Variants in ITSN1 observed in about 807,000 individuals in gnomAD.
ITSN1 encodes intersectin-1.
ITSN1 carries 58 observed loss-of-function variants against 239.8 expected under a neutral mutation model. The observed-to-expected ratio is 0.24, with a 90% CI of 0.20 to 0.30. ITSN1 has a LOEUF of 0.30. ITSN1 is among the 10% of genes least tolerant of loss of function. The probability of loss-of-function intolerance (pLI) is 1.00; values close to 1 mark genes in which losing one functional copy is unlikely to be tolerated. For synonymous variants in ITSN1, 780 were observed against 770.8 expected, an observed-to-expected ratio of 1.01 and a Z score of -0.20; for missense variants, 1,558 against 2,103.3, an observed-to-expected ratio of 0.74 and a Z score of 5.07.
At chr21:33,693,789 T>G (rs1308623972) in intron 1 of ITSN1, among the ~76,000 whole-genome samples, 1 of 152,240 alleles carries the variant, frequency 6.6e-6, no homozygotes, top group African/African-American at 2.4e-5. Flanking sequence ...CTTTTTTCTC[T>G]GGGCTTTCAC....
chr21:33,850,458 A>G (rs2075124441), intron 29 of ITSN1, among the ~76,000 whole-genome samples: 1 of 151,986 alleles, frequency 6.6e-6, no homozygotes, highest in Non-Finnish European at 1.5e-5. Flanking sequence ...AGGATTTGCA[A>G]CTCCGAGGTC....
intron 29 of ITSN1, among the ~76,000 whole-genome samples, chr21:33,844,206 A>G (rs998576487): frequency 3.3e-5 from 5 of 152,210 alleles, no homozygotes; most frequent in African/African-American, 9.6e-5. Flanking sequence ...CCTTCGCTGC[A>G]CTCCTGCAAT....
At chr21:33,863,592 C>T (rs1487584376) in intron 31 of ITSN1, among the ~76,000 whole-genome samples, 2 of 152,238 alleles carry the variant, frequency 1.3e-5, no homozygotes, top group African/African-American at 2.4e-5. Context: ...TGCACCACTG[C>T]ACTCCAGCCT....
At chr21:33,643,177 C>T (rs918841001) in intron 1 of ITSN1, among the ~76,000 whole-genome samples, 1 of 151,876 alleles carries the variant, frequency 6.6e-6, no homozygotes, top group East Asian at 1.9e-4. Context: ...GGCGCCGCCT[C>T]TGCCTGGAGC....
chr21:33,855,302 C>T (rs1979111862), intron 29 of ITSN1, among the ~76,000 whole-genome samples: 1 of 152,224 alleles, frequency 6.6e-6, no homozygotes. Context: ...GCATCTCTAG[C>T]AAGCTCCTAG....
chr21:33,717,701 G>A (rs555481380), intron 1 of ITSN1, among the ~76,000 whole-genome samples: 201 of 151,402 alleles, frequency 1.3e-3, no homozygotes, highest in Non-Finnish European at 1.2e-3. Flanking sequence ...GACTACAGGC[G>A]CCCGCCACCA....
chr21:33,856,344 G>A (rs1239004068), intron 29 of ITSN1, among the ~76,000 whole-genome samples: 2 of 152,164 alleles, frequency 1.3e-5, no homozygotes, highest in Non-Finnish European at 2.9e-5. Context: ...CTGGAGGCCG[G>A]AAGTCTAAAA....
chr21:33,805,263 A>T (rs1259563036), intron 20 of ITSN1, among the ~76,000 whole-genome samples: 2 of 152,254 alleles, frequency 1.3e-5, no homozygotes, highest in East Asian at 3.8e-4. Context: ...GTTATCAGTC[A>T]TTAGCCAGTC....
intron 22 of ITSN1, chr21:33,817,535 G>A (rs1000502920): frequency 7.7e-7 from 1 of 1,304,468 alleles, no homozygotes; most frequent in Non-Finnish European, 1.0e-6. Context: ...ATTCTGCCAG[G>A]TGGTACACTT....
chr21:33,732,790 A>G (rs1416883231), intron 4 of ITSN1, among the ~76,000 whole-genome samples: 1 of 152,226 alleles, frequency 6.6e-6, no homozygotes, highest in Non-Finnish European at 1.5e-5. Context: ...TGTGCTTGAA[A>G]TAAGCACCTA....
chr21:33,874,005 T>C (rs1333423147), intron 33 of ITSN1, among the ~76,000 whole-genome samples: 1 of 148,282 alleles, frequency 6.7e-6, no homozygotes, highest in Non-Finnish European at 1.5e-5. Flanking sequence ...CTACTAAAAA[T>C]ACAAAAATTA....
chr21:33,838,685 ACCTTC>A (rs2074717973), intron 29 of ITSN1, among the ~76,000 whole-genome samples: 1 of 152,046 alleles, frequency 6.6e-6, no homozygotes, highest in Admixed American at 6.6e-5. Context: ...CGTGCTCTCC[ACCTTC>A]CCTGATCAAT....
At chr21:33,778,017 G>A (rs1043457551) in intron 14 of ITSN1, among the ~76,000 whole-genome samples, 5 of 152,026 alleles carry the variant, frequency 3.3e-5, no homozygotes, top group Non-Finnish European at 5.9e-5. Context: ...TTTTTTCCCC[G>A]CATCTATTGA....
At chr21:33,658,798 T>C (rs1601477668) in intron 1 of ITSN1, among the ~76,000 whole-genome samples, 1 of 152,234 alleles carries the variant, frequency 6.6e-6, no homozygotes, top group Non-Finnish European at 1.5e-5. Context: ...ATTGATTACT[T>C]ACTGTGTGTC....
At chr21:33,828,026 C>T (rs2074068638) in intron 26 of ITSN1, among the ~76,000 whole-genome samples, 1 of 152,182 alleles carries the variant, frequency 6.6e-6, no homozygotes, top group Admixed American at 6.5e-5. Flanking sequence ...TGGACCACCC[C>T]ACCAAATCTC....
chr21:33,881,300 G>A (rs1368968423), intron 34 of ITSN1, among the ~76,000 whole-genome samples: 2 of 151,900 alleles, frequency 1.3e-5, no homozygotes, highest in African/African-American at 2.4e-5. Context: ...CCAGCTACCC[G>A]GGAGGCTGAG....
At chr21:33,860,628 C>T (rs1980330701) in intron 31 of ITSN1, among the ~76,000 whole-genome samples, 2 of 152,236 alleles carry the variant, frequency 1.3e-5, no homozygotes, top group South Asian at 4.1e-4. Flanking sequence ...GAGGTGGGAA[C>T]TGACAGCCCT....
chr21:33,687,343 A>G (rs566394227), intron 1 of ITSN1, among the ~76,000 whole-genome samples: 1 of 139,430 alleles, frequency 7.2e-6, no homozygotes, highest in East Asian at 2.4e-4. Flanking sequence ...GGTTGCAGTG[A>G]GCCAAGATCG....
Position 33,781,914 on chromosome 21 carries a change from G to A in ITSN1, c.1685-80G>A. 3 of 1,337,212 alleles carry A rather than the reference G, an allele frequency of 2.2e-6. No individual in the cohort carries two copies. In the South Asian group the frequency reaches 4.1e-5, roughly 18 times the overall value. 82.8% of individuals were successfully genotyped at this position (1,337,212 alleles called of 1,614,324 possible). ...TTTTAACCAGCAAGAATTTCCTTAAGTGAAATGAGAACATTAAAAAACATT... is the reference window on the plus strand; with the variant it reads ...TTTTAACCAGCAAGAATTTCCTTAAATGAAATGAGAACATTAAAAAACATT... On this transcript the variant is annotated intron_variant, in intron 15 of 39. Transcript: ENST00000381318.
Sources: gnomAD v4.1 joint callset for allele counts (sites outside exome capture counted in the v4.1 genomes callset) on GRCh38, gnomAD v4.1.1 for gene constraint, MANE v1.5 for transcripts, NCBI Gene and HGNC (gene_info 2026-07-23, HGNC 2026-07-21) for gene names.